The following TIAM2 variants were observed in gnomAD, a reference collection of about 807,000 sequenced individuals.
The protein encoded by TIAM2 is TIAM Rac1 associated GEF 2.
TIAM2 carries 80 observed loss-of-function variants against 152.9 expected under a neutral mutation model. The observed-to-expected ratio is 0.52, with a 90% CI of 0.44 to 0.63. TIAM2 has a LOEUF of 0.63. Ranked by LOEUF, TIAM2 falls within the 30% of genes least tolerant of loss-of-function variation. The pLI, the probability that TIAM2 is intolerant of heterozygous loss-of-function variation, is 0.00. For missense variants in TIAM2, 1,965 were observed against 2,120.1 expected (o/e 0.93, Z 1.44); for synonymous variants, 804 against 838.0 (o/e 0.96, Z 0.70).
chr6:155,219,748 C>T (rs997701109), intron 15 of TIAM2, among the ~76,000 whole-genome samples: 4 of 152,014 alleles, frequency 2.6e-5, no homozygotes, highest in South Asian at 2.1e-4. Context: ...GGCAGGAAGA[C>T]GGTGGCTATA....
In TIAM2 at chr6:155,085,574, AC is replaced by A. The variant is rs766555360; in HGVS notation, c.-208-4714del. ...TTAGATGTGGCCATTAAAAAAAAAA[AC>A]AACTTTGTGATGTAGTTGAAGGTCT... On this transcript the variant is annotated intron_variant, in intron 1 of 26. Coordinates refer to ENST00000682666, the MANE Select transcript of TIAM2 (RefSeq NM_012454.4). Among the ~76,000 whole-genome samples the A allele has an allele frequency of 4.9e-3, 742 of 151,112 alleles. 3 individuals are homozygous for A. The highest frequency in any genetic ancestry group is 7.5e-3 in the Non-Finnish European group (507 of 67,642).
In TIAM2 at chr6:155,129,982, T is replaced by C; in HGVS notation, c.759T>C (p.Pro253=). The change falls in exon 4 of 27, where the codon CCT becomes CCC. Residue 253 remains proline, a synonymous_variant. Coordinates refer to ENST00000682666, the MANE Select transcript of TIAM2 (RefSeq NM_012454.4). This position sits in a 1 kb window ranked among gnomAD's most constrained non-coding sequence, Gnocchi z 4.8. Reference sequence around the variant, plus strand: ...CTGAGTCATCCTGGTACGACTCCCCTTGGGGCAATGCTGGAGAGCTGAGCG... The same window carrying C: ...CTGAGTCATCCTGGTACGACTCCCCCTGGGGCAATGCTGGAGAGCTGAGCG... The part of the protein sequence containing the change: ...LSSESSWYDS[P]WGNAGELSEA... 1 of 1,614,106 alleles carries C rather than the reference T, an allele frequency of 6.2e-7. No individual in the cohort carries two copies. Among genetic ancestry groups the C allele is most frequent in the Non-Finnish European group, 8.5e-7 (1 of 1,180,028 alleles).
rs779254117 is a variant in TIAM2, at chr6:155,179,417, G to C, written c.2668G>C (p.Asp890His). 110 of 1,613,640 alleles carry C rather than the reference G, an allele frequency of 6.8e-5. No individual in the cohort carries two copies. Among genetic ancestry groups the C allele is most frequent in the Non-Finnish European group, 8.7e-5 (103 of 1,179,934 alleles). Residue 890 changes from aspartate to histidine, a missense_variant, in exon 12 of 27, where the codon GAC (aspartate) becomes CAC (histidine). By Grantham distance (81) the Asp-to-His change is moderately conservative. Coordinates refer to ENST00000682666, the MANE Select transcript of TIAM2 (RefSeq NM_012454.4). ...EIEVFPLNVY[D>H]VQLTKTGSVC... ...AGAAGTCTTTCCACTAAATGTTTAT[G>C]ACGTGCAGCTCACGAAGACTGGGAG...
At chr6:155,179,275 G>A (rs1780834114) in intron 11 of TIAM2, 103 bp from the exon 12 acceptor site, 1 of 1,432,718 alleles carries the variant, frequency 7.0e-7, no homozygotes, top group East Asian at 2.3e-5. Flanking sequence ...TATATAAACG[G>A]TATCTTAACA....
At chr6:155,153,787 A>G (rs1780035843) in intron 7 of TIAM2, among the ~76,000 whole-genome samples, 1 of 151,844 alleles carries the variant, frequency 6.6e-6, no homozygotes, top group Non-Finnish European at 1.5e-5. Context: ...ACGCCCAGCT[A>G]ATTTTTGTAT....
At chr6:154,999,225 T>TAATTAATG (rs397730120) in intron 1 of TIAM2, among the ~76,000 whole-genome samples, 18 of 145,038 alleles carry the variant, frequency 1.2e-4, no homozygotes, top group Non-Finnish European at 2.8e-4. Flanking sequence ...ATTAATTAAT[T>TAATTAATG]TTTTTGAGAC....
At chr6:155,105,478 T>C (rs118170879) in intron 2 of TIAM2, among the ~76,000 whole-genome samples, 1,645 of 152,202 alleles carry the variant, frequency 0.011, 17 homozygotes, top group Non-Finnish European at 0.015. Flanking sequence ...TTACTTTTTG[T>C]AGAGATAGGG....
At chr6:155,200,946 A>C (rs541702031) in intron 14 of TIAM2, among the ~76,000 whole-genome samples, 1 of 152,160 alleles carries the variant, frequency 6.6e-6, no homozygotes, top group East Asian at 1.9e-4. Flanking sequence ...TAAAAATAAA[A>C]AAAGAAGTCA....
At chr6:155,111,242 T>C (rs1778839319) in intron 2 of TIAM2, among the ~76,000 whole-genome samples, 1 of 151,308 alleles carries the variant, frequency 6.6e-6, no homozygotes, top group Admixed American at 6.6e-5. Context: ...ACTCATGACA[T>C]TAGGAGGCAC....
chr6:155,242,394 A>G (rs770444574), intron 16 of TIAM2, among the ~76,000 whole-genome samples: 3 of 152,060 alleles, frequency 2.0e-5, no homozygotes, highest in Non-Finnish European at 2.9e-5. Flanking sequence ...AATTTTTGAC[A>G]TCTATGTGTT....
Position 155,249,978 on chromosome 6 carries a change from G to T in TIAM2, c.3951+9G>T, listed in dbSNP as rs1301483119. 1 of 1,607,594 alleles carries T rather than the reference G, an allele frequency of 6.2e-7. No homozygotes were observed. The highest frequency in any genetic ancestry group is 1.7e-5 in the Admixed American group (1 of 59,276). ...GCGGAACAGAGAAGGAGGTCCGTGA[G>T]ACATCTGCACCCTGGGAGCCTAGTG... On this transcript the variant is annotated intron_variant, in intron 21 of 26. Transcript: ENST00000682666.
chr6:155,066,857 G>A (rs545639236), intron 1 of TIAM2, among the ~76,000 whole-genome samples: 3 of 152,174 alleles, frequency 2.0e-5, no homozygotes, highest in Non-Finnish European at 2.9e-5. Flanking sequence ...CCAGGTTCAA[G>A]CGATTCTCCT....
intron 1 of TIAM2, among the ~76,000 whole-genome samples, chr6:155,051,879 A>G (rs1777327633): frequency 6.6e-6 from 1 of 152,144 alleles, no homozygotes; most frequent in African/African-American, 2.4e-5. Flanking sequence ...ACTTCAGGCT[A>G]TCTGCCCGTC....
chr6:155,185,915 C>T (rs76487783), intron 14 of TIAM2, among the ~76,000 whole-genome samples: 4,531 of 152,262 alleles, frequency 0.03, 204 homozygotes, highest in African/African-American at 0.093. Flanking sequence ...AAAAACAGCC[C>T]CAGCAGACTC....
chr6:155,122,462 A>G (rs9397226), intron 2 of TIAM2, among the ~76,000 whole-genome samples: 43,843 of 118,056 alleles, frequency 0.37, 10,189 homozygotes, highest in African/African-American at 0.66. Flanking sequence ...GGGATTGGGA[A>G]GGAATGGAGA....
At position 155,251,939 on chromosome 6, in the gene TIAM2, CT is replaced by C. The variant is rs1400717661; in HGVS notation, c.4061-3del. 4 of 1,599,308 alleles carry C rather than the reference CT, an allele frequency of 2.5e-6. No homozygotes were observed. The highest frequency in any genetic ancestry group is 1.4e-5 in the African/African-American group (1 of 73,948). ...AAAGACTTTCTTTCTCTTTTCCTTT[CT>C]TTAGTTTTTAAGAGAGCCGTCATAC... On this transcript the variant is annotated splice_polypyrimidine_tract_variant and splice_region_variant and intron_variant, in intron 22 of 26. Coordinates refer to ENST00000682666, the MANE Select transcript of TIAM2 (RefSeq NM_012454.4).
At chr6:155,204,785 T>A (rs1406368650) in intron 14 of TIAM2, among the ~76,000 whole-genome samples, 8 of 152,202 alleles carry the variant, frequency 5.3e-5, no homozygotes, top group Non-Finnish European at 7.3e-5. Flanking sequence ...CTTTTTCCGA[T>A]GCGGTGACTG....
intron 1 of TIAM2, among the ~76,000 whole-genome samples, chr6:155,068,303 T>C (rs981590710): frequency 1.3e-5 from 2 of 152,222 alleles, no homozygotes; most frequent in Admixed American, 6.5e-5. Context: ...GTGCCTGGAA[T>C]ATCTGGGAGT....
chr6:155,023,357 T>C (rs1311097721), intron 1 of TIAM2, among the ~76,000 whole-genome samples: 6 of 152,244 alleles, frequency 3.9e-5, no homozygotes, highest in East Asian at 1.9e-4. Flanking sequence ...TGAGAGACCT[T>C]TGTGATTTGG....
Sources: allele counts gnomAD v4.1 joint callset (sites outside exome capture counted in the v4.1 genomes callset), GRCh38; gene constraint gnomAD v4.1.1; non-coding constraint Gnocchi (gnomAD v3.1); transcripts MANE v1.5; gene names NCBI Gene and HGNC (gene_info 2026-07-23, HGNC 2026-07-21).